Variants in PID1 observed in about 807,000 individuals in gnomAD.
PID1 encodes phosphotyrosine interaction domain containing 1.
Under a neutral mutation model 19.1 loss-of-function variants are expected in PID1, and 10 were observed. The observed-to-expected ratio is 0.52, with a 90% CI of 0.32 to 0.89. The LOEUF (loss-of-function observed/expected upper bound fraction) is 0.89. Among genes scored for constraint, PID1 ranks in the 40% least tolerant of loss-of-function variants. The pLI is 0.03. For missense variants in PID1, 248 were observed against 285.3 expected, an observed-to-expected ratio of 0.87 and a Z score of 0.94; for synonymous variants, 130 against 116.0, an observed-to-expected ratio of 1.12 and a Z score of -0.78.
rs1690597063 is a variant in PID1, at chr2:229,166,350, T to C, written c.31-10386A>G. On this transcript the variant is annotated intron_variant, in intron 1 of 2. Coordinates refer to ENST00000392055, the MANE Select transcript of PID1 (RefSeq NM_001100818.2). The stretch of plus-strand genomic sequence containing the variant: ...AGTGAGGTACATGAAGAAAGCTTTG[T>C]GGCGATGGTCTCATGCAGGTTTACA... Among the ~76,000 whole-genome samples, 4 of 152,224 alleles carry C rather than the reference T, an allele frequency of 2.6e-5. No homozygotes were observed. In the South Asian group the frequency reaches 8.3e-4, roughly 31 times the overall value.
chr2:229,109,940 C>A lies in PID1; in HGVS notation c.177+45878G>T, dbSNP rs139812369. On this transcript the variant is annotated intron_variant, in intron 2 of 2. Transcript: ENST00000392055. The stretch of plus-strand genomic sequence containing the variant: ...TTTTAAGATATTCCACCTTATCATG[C>A]AGAACATATTAAAGAGGACTCCAAT... 1.6e-4 allele frequency among the ~76,000 whole-genome samples: 24 copies of A among 152,236 alleles called. No homozygotes were observed. In the East Asian group the frequency reaches 4.6e-3, roughly 29 times the overall value.
Position 229,151,390 on chromosome 2 carries a change from C to CA in PID1, c.177+4427dup, listed in dbSNP as rs1168050586. ...CAGTCAGATGAACTTCTCTATGCCTCAACTAGTTCATCTGTGAAATGGGGC... is the reference window on the plus strand; with the variant it reads ...CAGTCAGATGAACTTCTCTATGCCTCAAACTAGTTCATCTGTGAAATGGGGC... On this transcript the variant is annotated intron_variant, in intron 2 of 2. Coordinates refer to ENST00000392055, the MANE Select transcript of PID1 (RefSeq NM_001100818.2). Among the ~76,000 whole-genome samples the CA allele has an allele frequency of 4.6e-5, 7 of 152,192 alleles. No individual in the cohort carries two copies. In the East Asian group the frequency reaches 1.4e-3, roughly 29 times the overall value.
At chr2:229,056,387 GT>G (rs1266933466) in intron 2 of PID1, among the ~76,000 whole-genome samples, 5 of 152,030 alleles carry the variant, frequency 3.3e-5, no homozygotes, top group Non-Finnish European at 7.4e-5. Flanking sequence ...CTCTGCTTCT[GT>G]TAGGCACACT....
chr2:229,195,286 T>C (rs773001957), intron 1 of PID1, among the ~76,000 whole-genome samples: 6 of 151,832 alleles, frequency 4.0e-5, no homozygotes, highest in Non-Finnish European at 7.4e-5. Context: ...TCATTTTTTA[T>C]TCTTCATATA....
chr2:229,037,763 A>T (rs13419855), intron 2 of PID1, among the ~76,000 whole-genome samples: 65,119 of 151,950 alleles, frequency 0.43, 14,546 homozygotes, highest in African/African-American at 0.54. Context: ...GACAGGTCTG[A>T]TACCTCTCCC....
At chr2:229,156,582 C>T (rs1690377353) in intron 1 of PID1, among the ~76,000 whole-genome samples, 1 of 152,144 alleles carries the variant, frequency 6.6e-6, no homozygotes, top group Admixed American at 6.5e-5. Flanking sequence ...TACTGCTATC[C>T]ATACCACCCA....
At chr2:229,126,349 AC>A (rs1283518116) in intron 2 of PID1, among the ~76,000 whole-genome samples, 3 of 152,136 alleles carry the variant, frequency 2.0e-5, no homozygotes, top group African/African-American at 7.2e-5. Flanking sequence ...AGGTAATTTA[AC>A]AAGTTTAAAT....
At chr2:229,185,671 G>A (rs1221699644) in intron 1 of PID1, among the ~76,000 whole-genome samples, 2 of 152,108 alleles carry the variant, frequency 1.3e-5, no homozygotes, top group Admixed American at 1.3e-4. Context: ...CATATCTCAT[G>A]AGACTTACTC....
At chr2:229,059,379 A>G (rs1694165877) in intron 2 of PID1, among the ~76,000 whole-genome samples, 1 of 152,270 alleles carries the variant, frequency 6.6e-6, no homozygotes. Flanking sequence ...TCATGGCAAT[A>G]CATGAAAGCA....
At chr2:229,206,561 C>T (rs1340660228) in intron 1 of PID1, among the ~76,000 whole-genome samples, 1 of 152,152 alleles carries the variant, frequency 6.6e-6, no homozygotes, top group Non-Finnish European at 1.5e-5. Flanking sequence ...GAAGGATTTG[C>T]TGTATGTTTT....
chr2:229,112,006 T>C (rs750695727), intron 2 of PID1, among the ~76,000 whole-genome samples: 38 of 152,224 alleles, frequency 2.5e-4, no homozygotes, highest in Non-Finnish European at 4.7e-4. Flanking sequence ...AAGATAAGTG[T>C]CTGAATGTCA....
intron 1 of PID1, among the ~76,000 whole-genome samples, chr2:229,269,993 A>G (rs1333184951): frequency 6.6e-6 from 1 of 152,204 alleles, no homozygotes; most frequent in East Asian, 1.9e-4. Flanking sequence ...CTCTCCCTGC[A>G]TCTGAGAAAC....
chr2:229,136,613 A>T (rs974419809), intron 2 of PID1, among the ~76,000 whole-genome samples: 1 of 152,194 alleles, frequency 6.6e-6, no homozygotes, highest in African/African-American at 2.4e-5. Context: ...TCTTTACTGA[A>T]TTAAGGATAA....
At chr2:229,061,021 C>A (rs1269902620) in intron 2 of PID1, among the ~76,000 whole-genome samples, 1 of 151,894 alleles carries the variant, frequency 6.6e-6, no homozygotes, top group East Asian at 1.9e-4. Flanking sequence ...GCCTCTTATC[C>A]CACAAATGGT....
chr2:229,192,972 T>C lies in PID1; in HGVS notation c.31-37008A>G, dbSNP rs142036946. Among the ~76,000 whole-genome samples the C allele has an allele frequency of 3.3e-3, 497 of 152,350 alleles. 1 individual carries two copies. Among genetic ancestry groups the C allele is most frequent in the African/African-American group, 0.012 (482 of 41,590 alleles). ...CTTTAATGTGCTGTTTCAGTCATCA[T>C]ATCCAAATGGCACTTCAGAGATTAG... is the stretch of plus-strand genomic sequence containing the variant. On this transcript the variant is annotated intron_variant, in intron 1 of 2. Transcript: ENST00000392055.
intron 2 of PID1, among the ~76,000 whole-genome samples, chr2:229,062,357 T>C (rs1479325205): frequency 3.3e-5 from 5 of 152,016 alleles, no homozygotes; most frequent in African/African-American, 4.8e-5. Flanking sequence ...ATGGCTTTTG[T>C]CCTTCATTTT....
chr2:229,039,163 G>T (rs116597088), intron 2 of PID1, among the ~76,000 whole-genome samples: 166 of 152,238 alleles, frequency 1.1e-3, no homozygotes, highest in African/African-American at 3.6e-3. Flanking sequence ...ATTCTGTTTT[G>T]CTTGTGCTTT....
At chr2:229,036,035 C>T (rs1305011781) in intron 2 of PID1, among the ~76,000 whole-genome samples, 1 of 152,188 alleles carries the variant, frequency 6.6e-6, no homozygotes, top group South Asian at 2.1e-4. Context: ...AAACCATTCC[C>T]ACTTCAAAGA....
At chr2:229,078,606 G>A (rs1694610298) in intron 2 of PID1, among the ~76,000 whole-genome samples, 1 of 152,220 alleles carries the variant, frequency 6.6e-6, no homozygotes, top group Admixed American at 6.5e-5. Flanking sequence ...TTAGCATGAA[G>A]TGGGGTTGAA....
Sources: allele counts gnomAD v4.1 joint callset (sites outside exome capture counted in the v4.1 genomes callset), GRCh38; gene constraint gnomAD v4.1.1; transcripts MANE v1.5; gene names NCBI Gene and HGNC (gene_info 2026-07-23, HGNC 2026-07-21).